MID1: variants seen among roughly 807,000 people sequenced by gnomAD.
MID1 encodes the protein midline 1.
MID1 carries 7 observed loss-of-function variants against 40.4 expected under a neutral mutation model. The ratio of observed to expected loss-of-function variants is 0.17; its 90% confidence interval spans 0.10 to 0.33. MID1 has a LOEUF of 0.33. Ranked by LOEUF, MID1 falls within the 10% of genes least tolerant of loss-of-function variation. MID1 has a pLI of 1.00. For synonymous variants in MID1, 229 were observed against 221.2 expected, an observed-to-expected ratio of 1.04 and a Z score of -0.31; for missense variants, 367 against 558.5, an observed-to-expected ratio of 0.66 and a Z score of 3.46.
In MID1 at chrX:10,741,321, G is replaced by T. The variant is rs974204136; in HGVS notation, c.-187+92233C>A. ...AGGAGAAATTCTGGAAATGTTTTAG[G>T]ATCGTGAGAGGCTTATACACCAGGG... On this transcript the variant is annotated intron_variant, in intron 1 of 10. Coordinates refer to the MID1 transcript ENST00000380785. Among the ~76,000 whole-genome samples, 3 of 111,068 alleles carry T rather than the reference G, an allele frequency of 2.7e-5. No homozygotes were observed. In the East Asian group the frequency reaches 8.4e-4, roughly 31 times the overall value.
At chrX:10,481,693 G>A (rs951331779) in intron 5 of MID1, among the ~76,000 whole-genome samples, 1 of 111,576 alleles carries the variant, frequency 9.0e-6, no homozygotes, top group Admixed American at 9.5e-5. Flanking sequence ...TGATCCACCC[G>A]CCTTGGCCTC....
chrX:10,703,533 G>T (rs1478548762), intron 1 of MID1, among the ~76,000 whole-genome samples: 3 of 110,998 alleles, frequency 2.7e-5, no homozygotes, highest in African/African-American at 9.8e-5. Context: ...CGGGTGCGGT[G>T]GTGCGCACCC....
chrX:10,557,149 C>T (rs182538838), intron 2 of MID1, among the ~76,000 whole-genome samples: 1 of 109,241 alleles, frequency 9.2e-6, no homozygotes, highest in African/African-American at 3.3e-5. Context: ...TGAAGTCTGG[C>T]CCTTCAAGAT....
In MID1 at chrX:10,465,204, T is replaced by C. The variant is rs1338262194; in HGVS notation, c.1285+4493A>G. On this transcript the variant is annotated intron_variant, in intron 7 of 9. Transcript: ENST00000317552. ...CTGAAATTTTATATATATATATATA[T>C]ATATATATATACACACACACACACA... 4.1e-3 allele frequency among the ~76,000 whole-genome samples: 277 copies of C among 67,341 alleles called. 4 individuals are homozygous for C. The highest frequency in any genetic ancestry group is 0.019 in the African/African-American group (251 of 13,552). 58.5% of individuals were successfully genotyped at this position (67,341 alleles called of 115,157 possible).
chrX:10,476,535 A>G (rs1930021553), intron 5 of MID1, among the ~76,000 whole-genome samples: 1 of 111,634 alleles, frequency 9.0e-6, no homozygotes, highest in Non-Finnish European at 1.9e-5. Flanking sequence ...ATACCTGTAA[A>G]ATGCTCAAAA....
rs1255305974 is a variant in MID1, at chrX:10,452,288, C to T, written c.1656-2572G>A. ...CCCGTTATTACTCATTTAGTTAACA[C>T]CATTTCATAAAACACCAAGTGCACA... On this transcript the variant is annotated intron_variant, in intron 9 of 9. Coordinates refer to ENST00000317552, the MANE Select transcript of MID1 (RefSeq NM_000381.4). 2.7e-5 allele frequency among the ~76,000 whole-genome samples: 3 copies of T among 111,527 alleles called. No homozygotes were observed. The East Asian group carries it at 8.4e-4, about 31-fold the overall frequency.
intron 1 of MID1, among the ~76,000 whole-genome samples, chrX:10,705,857 A>T (rs904942114): frequency 2.0e-4 from 23 of 112,501 alleles, no homozygotes; most frequent in African/African-American, 7.1e-4. Flanking sequence ...CAGTCCACTT[A>T]TTCATTGAGC....
intron 1 of MID1, among the ~76,000 whole-genome samples, chrX:10,767,546 C>T (rs910636451): frequency 1.8e-5 from 2 of 111,389 alleles, no homozygotes; most frequent in Admixed American, 9.5e-5. Context: ...GTCTCAATCT[C>T]GTGACCTCGT....
intron 1 of MID1, among the ~76,000 whole-genome samples, chrX:10,769,962 T>C (rs2043754873): frequency 9.0e-6 from 1 of 111,683 alleles, no homozygotes; most frequent in South Asian, 3.8e-4. Context: ...CTCCATGAAT[T>C]GGCAGGAAAA....
chrX:10,799,492 G>A (rs929792732), intron 1 of MID1, among the ~76,000 whole-genome samples: 1 of 111,926 alleles, frequency 8.9e-6, no homozygotes, highest in African/African-American at 3.2e-5. Flanking sequence ...ACACTATAAG[G>A]CCAGATCCGA....
intron 2 of MID1, among the ~76,000 whole-genome samples, chrX:10,533,634 A>G (rs1933123607): frequency 8.9e-6 from 1 of 111,996 alleles, no homozygotes; most frequent in African/African-American, 3.2e-5. Context: ...CCAATCCTTC[A>G]GGTACTCAAA....
intron 1 of MID1, among the ~76,000 whole-genome samples, chrX:10,603,096 G>A (rs1935562406): frequency 8.9e-6 from 1 of 112,037 alleles, no homozygotes; most frequent in African/African-American, 3.2e-5. Flanking sequence ...AACTTTCCAA[G>A]TACCTGGAAA....
At position 10,447,592 on chromosome X, in the gene MID1, C is replaced by T. The variant is rs1928094257; in HGVS notation, c.*1776G>A. The T allele has an allele frequency of 9.0e-6, 1 of 111,546 alleles. No individual in the cohort carries two copies. Among genetic ancestry groups the T allele is most frequent in the African/African-American group, 3.3e-5 (1 of 30,724 alleles). The allele number at this position is 111,546 out of a possible 1,213,427, so 9.2% of individuals were successfully genotyped here. Reference sequence around the variant, plus strand: ...ATTGTTTTTTTTCCATTGAGGCGTCCATCTTTTAGATGTGAAATTGTCTTA... The same window carrying T: ...ATTGTTTTTTTTCCATTGAGGCGTCTATCTTTTAGATGTGAAATTGTCTTA... On this transcript the variant is annotated 3_prime_UTR_variant, in exon 10 of 10. Transcript: ENST00000317552.
intron 1 of MID1, among the ~76,000 whole-genome samples, chrX:10,597,527 C>G (rs1216945854): frequency 9.0e-6 from 1 of 111,719 alleles, no homozygotes; most frequent in Non-Finnish European, 1.9e-5. Context: ...AACTAGTTCT[C>G]AGTGGCAAAC....
At chrX:10,699,701 A>G (rs776397348) in intron 1 of MID1, among the ~76,000 whole-genome samples, 5 of 112,207 alleles carry the variant, frequency 4.5e-5, no homozygotes, top group African/African-American at 1.6e-4. Context: ...AGAGTCTACA[A>G]ATTAAGTCAG....
upstream of MID1, among the ~76,000 whole-genome samples, chrX:10,622,949 T>C (rs768519915): frequency 4.5e-5 from 5 of 110,299 alleles, no homozygotes; most frequent in Non-Finnish European, 9.5e-5. Flanking sequence ...GATCCACCTA[T>C]TAGAAACAGT....
At chrX:10,733,891 T>C (rs2043469504) in intron 1 of MID1, among the ~76,000 whole-genome samples, 1 of 112,287 alleles carries the variant, frequency 8.9e-6, no homozygotes, top group Non-Finnish European at 1.9e-5. Context: ...GGTTTTGTAG[T>C]TTCTGCTGTA....
intron 1 of MID1, among the ~76,000 whole-genome samples, chrX:10,737,312 T>C (rs1009249923): frequency 8.9e-6 from 1 of 112,349 alleles, no homozygotes; most frequent in Non-Finnish European, 1.9e-5. Context: ...ATACACCAGG[T>C]CCCTGAAAAA....
chrX:10,532,450 T>C (rs1392210459), intron 2 of MID1, among the ~76,000 whole-genome samples: 1 of 111,552 alleles, frequency 9.0e-6, no homozygotes, highest in African/African-American at 3.3e-5. Flanking sequence ...GGAGGGAGGA[T>C]TGCTTGAGCC....
Sources: gnomAD v4.1 joint callset for allele counts (sites outside exome capture counted in the v4.1 genomes callset) on GRCh38, gnomAD v4.1.1 for gene constraint, MANE v1.5 for transcripts, NCBI Gene and HGNC (gene_info 2026-07-23, HGNC 2026-07-21) for gene names.